Variants in PCF11 observed in about 807,000 individuals in gnomAD.
PCF11 encodes the protein PCF11 cleavage and polyadenylation factor subunit.
A neutral mutation model predicts 166.1 loss-of-function variants in PCF11; 19 were observed. That is an observed-to-expected ratio of 0.11 (90% CI 0.08 to 0.17). The LOEUF (loss-of-function observed/expected upper bound fraction) is 0.17. Ranked by LOEUF, PCF11 falls within the 10% of genes least tolerant of loss-of-function variation. PCF11 has a pLI of 1.00. For synonymous variants in PCF11, 663 were observed against 644.1 expected (o/e 1.03, Z -0.44); for missense variants, 1,565 against 1,855.5 (o/e 0.84, Z 2.88).
exon 8 of PCF11, chr11:83,169,361 A>G (rs1219732588): frequency 5.6e-6 from 9 of 1,613,500 alleles, no homozygotes; most frequent in African/African-American, 1.3e-5. Context: ...ATGAGGTTTG[A>G]GGGTCCTTCT....
At chr11:83,178,681 C>CG (rs1008727767) in intron 11 of PCF11, among the ~76,000 whole-genome samples, 2 of 151,524 alleles carry the variant, frequency 1.3e-5, no homozygotes, top group Admixed American at 1.3e-4. Context: ...GGCGCAGTGG[C>CG]GGGTGCCTGT....
In PCF11 at chr11:83,184,883, G is replaced by T. The variant is rs181435797; in HGVS notation, c.4657G>T (p.Glu1553Ter). 1.3e-6 allele frequency: 2 copies of T among 1,552,446 alleles called. No individual in the cohort carries two copies. Among genetic ancestry groups the T allele is most frequent in the Admixed American group, 4.7e-5 (2 of 42,684 alleles). The change falls in exon 16 of 16, where the codon GAG becomes TAG. Residue 1553 changes from glutamate to a stop codon, truncating the protein, a stop_gained. Transcript: ENST00000298281. LOFTEE classifies it high-confidence loss of function. The stretch of plus-strand genomic sequence containing the variant: ...AATTAAAACAGAAAATGACACAGTC[G>T]AGTCAGTTTAAATAAAATGAGAAAG...
At chr11:83,159,999 C>A (rs1040753358) in intron 1 of PCF11, among the ~76,000 whole-genome samples, 1 of 152,158 alleles carries the variant, frequency 6.6e-6, no homozygotes, top group African/African-American at 2.4e-5. Context: ...GGTAAAGACA[C>A]AGCAGTAAAC....
exon 9 of PCF11, chr11:83,171,834 C>G: frequency 6.3e-7 from 1 of 1,592,090 alleles, no homozygotes; most frequent in Admixed American, 1.7e-5. Flanking sequence ...AGTGGTGTTG[C>G]TCAGCCAGTA....
chr11:83,157,480 C>A (rs750919205), exon 1 of PCF11: 3 of 1,612,812 alleles, frequency 1.9e-6, no homozygotes, highest in Non-Finnish European at 2.5e-6. Flanking sequence ...GCTGCGGGGG[C>A]CCGGGAGGAC....
chr11:83,176,734 G>A (rs1216782407), intron 9 of PCF11, among the ~76,000 whole-genome samples: 1 of 151,962 alleles, frequency 6.6e-6, no homozygotes, highest in African/African-American at 2.4e-5. Flanking sequence ...AATACCTAAT[G>A]TAAATGACGA....
chr11:83,157,889 C>T (rs1860057713), intron 1 of PCF11: 2 of 515,314 alleles, frequency 3.9e-6, no homozygotes, highest in Non-Finnish European at 7.0e-6. Context: ...TTGTATATCC[C>T]GACACACACA....
At position 83,167,113 on chromosome 11, in the gene PCF11, T is replaced by C. The variant is rs759802150; in HGVS notation, c.1818-12T>C. On this transcript the variant is annotated splice_polypyrimidine_tract_variant and intron_variant, in intron 5 of 15. Coordinates refer to ENST00000298281, the Ensembl canonical transcript of PCF11. This position sits in a 1 kb window ranked among gnomAD's most constrained non-coding sequence, Gnocchi z 4.2. ...AACATTTCAATGTAACATACTGCTT[T>C]TATGGTTTCAGCTTACAACAGGTTG... 33 of 1,595,870 alleles carry C rather than the reference T, an allele frequency of 2.1e-5. No individual in the cohort carries two copies. The highest frequency in any genetic ancestry group is 2.7e-5 in the African/African-American group (2 of 74,382).
exon 5 of PCF11, chr11:83,166,697 T>A: frequency 1.3e-6 from 2 of 1,597,274 alleles, no homozygotes; most frequent in Non-Finnish European, 1.7e-6. Flanking sequence ...GGAAATCTGG[T>A]TGGGAAGAAA....
intron 2 of PCF11, among the ~76,000 whole-genome samples, chr11:83,163,310 A>G (rs1268038840): frequency 3.3e-5 from 5 of 152,196 alleles, no homozygotes; most frequent in African/African-American, 1.2e-4. Context: ...CATTTAAGCC[A>G]TCAGGTAATC....
exon 5 of PCF11, chr11:83,166,038 A>G: frequency 6.2e-7 from 1 of 1,602,388 alleles, no homozygotes; most frequent in Non-Finnish European, 8.5e-7. Flanking sequence ...ATTATCTCAC[A>G]CAAAAGACTT....
rs749197267 is a variant in PCF11, at chr11:83,167,189, A to G, written c.1882A>G (p.Thr628Ala). Reference sequence around the variant, plus strand: ...GAGGCATAGGGAGAGCTGGTCAAGCACTAAAGGAATTTTATCACCTCGAGC... The same window carrying G: ...GAGGCATAGGGAGAGCTGGTCAAGCGCTAAAGGAATTTTATCACCTCGAGC... Residue 628 changes from threonine (T) to alanine (A), a missense_variant, in exon 6 of 16, where the codon ACT (threonine) becomes GCT (alanine). Coordinates refer to ENST00000298281, the Ensembl canonical transcript of PCF11. This position sits in a 1 kb window ranked among gnomAD's most constrained non-coding sequence, Gnocchi z 4.2. 5.0e-6 allele frequency: 8 copies of G among 1,613,688 alleles called. No homozygotes were observed. The African/African-American group carries it at 5.3e-5, about 11-fold the overall frequency.
At chr11:83,183,133 GTT>G (rs377050625) in intron 15 of PCF11, 60 bp downstream of exon 15, 13 of 854,064 alleles carry the variant, frequency 1.5e-5, no homozygotes, top group Admixed American at 1.0e-4. Context: ...TTACTTTTCA[GTT>G]TTTTTTTTGC....
intron 4 of PCF11, among the ~76,000 whole-genome samples, chr11:83,164,928 A>G (rs572056104): frequency 4.1e-4 from 62 of 152,322 alleles, no homozygotes; most frequent in Non-Finnish European, 7.9e-4. Flanking sequence ...TTAGATTGCT[A>G]TCTTATAAAA....
chr11:83,170,645 A>C (rs1262745226), intron 8 of PCF11, among the ~76,000 whole-genome samples: 1 of 152,122 alleles, frequency 6.6e-6, no homozygotes, highest in East Asian at 1.9e-4. Flanking sequence ...TACTGAGACA[A>C]CTTTAAGGCA....
chr11:83,168,037 T>A, intron 7 of PCF11, 139 bp downstream of exon 7: 3 of 701,268 alleles, frequency 4.3e-6, no homozygotes, highest in Non-Finnish European at 6.1e-6. Flanking sequence ...GTTTTTTCCC[T>A]TTAAGGAAAG....
chr11:83,176,373 A>G lies in PCF11; in HGVS notation c.3758-712A>G, dbSNP rs555209286. Among the ~76,000 whole-genome samples the G allele has an allele frequency of 2.0e-5, 3 of 152,356 alleles. No homozygotes were observed. The South Asian group carries it at 6.2e-4, about 32-fold the overall frequency. On this transcript the variant is annotated intron_variant, in intron 9 of 15. Transcript: ENST00000298281. ...AGGATTATAAATCATGCTTTTATAA[A>G]GACACGTGCACACATATGTTTATTG... is the stretch of plus-strand genomic sequence containing the variant.
chr11:83,163,051 G>A (rs562953352), intron 2 of PCF11, among the ~76,000 whole-genome samples: 4 of 152,260 alleles, frequency 2.6e-5, no homozygotes, highest in East Asian at 1.9e-4. Flanking sequence ...AATTACAGGC[G>A]TGAGCCACCG....
chr11:83,184,985 C>A, exon 16 of PCF11: 1 of 777,004 alleles, frequency 1.3e-6, no homozygotes, highest in Non-Finnish European at 2.0e-6. Context: ...ATAGACATAT[C>A]TATATAAATT....
Sources: gnomAD v4.1 joint callset for allele counts (sites outside exome capture counted in the v4.1 genomes callset) on GRCh38, gnomAD v4.1.1 for gene constraint, Gnocchi (gnomAD v3.1) non-coding constraint, MANE v1.5 for transcripts, NCBI Gene and HGNC (gene_info 2026-07-23, HGNC 2026-07-21) for gene names.